CCNK: variants seen among roughly 807,000 people sequenced by gnomAD.
CCNK encodes the protein cyclin-K.
CCNK carries 9 observed loss-of-function variants against 65.0 expected under a neutral mutation model. That is an observed-to-expected ratio of 0.14 (90% CI 0.08 to 0.24). The LOEUF (loss-of-function observed/expected upper bound fraction) is 0.24. CCNK is among the 10% of genes least tolerant of loss of function. The pLI is 1.00. For synonymous variants in CCNK, 279 were observed against 270.8 expected, an observed-to-expected ratio of 1.03 and a Z score of -0.30; for missense variants, 474 against 720.0, an observed-to-expected ratio of 0.66 and a Z score of 3.91.
chr14:99,491,445 G>T (rs1003387092), intron 1 of CCNK, among the ~76,000 whole-genome samples: 3 of 152,154 alleles, frequency 2.0e-5, no homozygotes, highest in African/African-American at 7.2e-5. Flanking sequence ...GGTGAGAATT[G>T]TATCTCAGTG....
At chr14:99,483,811 A>T (rs894214333) in intron 1 of CCNK, among the ~76,000 whole-genome samples, 1 of 152,190 alleles carries the variant, frequency 6.6e-6, no homozygotes, top group African/African-American at 2.4e-5. Context: ...GTCTTTGGAG[A>T]TATGCTACAG....
intron 1 of CCNK, among the ~76,000 whole-genome samples, chr14:99,489,967 A>G (rs1896565672): frequency 6.6e-6 from 1 of 152,260 alleles, no homozygotes; most frequent in South Asian, 2.1e-4. Flanking sequence ...AGTGAAGGAA[A>G]TAGAAAGTCA....
chr14:99,501,677 G>T, intron 6 of CCNK: 1 of 426,428 alleles, frequency 2.3e-6, no homozygotes, highest in Non-Finnish European at 4.1e-6. Context: ...CAATACACTG[G>T]AGAATTTTGA....
intron 1 of CCNK, among the ~76,000 whole-genome samples, chr14:99,491,736 G>C (rs1595307352): frequency 6.6e-6 from 1 of 152,178 alleles, no homozygotes; most frequent in Non-Finnish European, 1.5e-5. Flanking sequence ...GAACTGGTGG[G>C]AGCCCTGGCC....
intron 8 of CCNK, 120 bp downstream of exon 8, chr14:99,503,104 A>C: frequency 8.7e-7 from 1 of 1,151,514 alleles, no homozygotes; most frequent in Admixed American, 1.7e-5. Context: ...TGTTCGCCGA[A>C]ACTCGCAGTC....
In CCNK at chr14:99,492,797, A is replaced by T. The variant is rs747967811; in HGVS notation, c.120A>T (p.Gly40=). The change falls in exon 2 of 11, where the codon GGA becomes GGT. Residue 40 remains glycine (G), a synonymous_variant. Transcript: ENST00000389879. ...CTCATACACCCTCACAACTTGAAGG[A>T]CTTGATCCAGCCACCGAGGCCCGGT... is the stretch of plus-strand genomic sequence containing the variant. The part of the protein sequence containing the change: ...DLAHTPSQLE[G]LDPATEARYR... 1.2e-6 allele frequency: 2 copies of T among 1,613,328 alleles called. No homozygotes were observed. Among genetic ancestry groups the T allele is most frequent in the Non-Finnish European group, 1.7e-6 (2 of 1,179,702 alleles).
chr14:99,499,474 C>G (rs1021892686), intron 4 of CCNK, among the ~76,000 whole-genome samples: 1 of 152,196 alleles, frequency 6.6e-6, no homozygotes, highest in Non-Finnish European at 1.5e-5. Context: ...TCTCTGTATC[C>G]TATAAAATAA....
Position 99,507,094 on chromosome 14 carries a change from T to A in CCNK, c.1064T>A (p.Ile355Asn). 2 of 1,610,840 alleles carry A rather than the reference T, an allele frequency of 1.2e-6. No individual in the cohort carries two copies. Among genetic ancestry groups the A allele is most frequent in the African/African-American group, 2.7e-5 (2 of 74,960 alleles). Residue 355 changes from isoleucine to asparagine, a missense_variant, in exon 10 of 11, where the codon ATC becomes AAC. Coordinates refer to ENST00000389879, the MANE Select transcript of CCNK (RefSeq NM_001099402.2). ...NKAAEPPPPK[I>N]PKIETTHPPL... is the part of the protein sequence containing the mutation. The stretch of plus-strand genomic sequence containing the variant: ...TTTGTAGAACCACCACCACCTAAAA[T>A]CCCCAAAATTGAGACCACTCATCCA...
intron 6 of CCNK, 168 bp downstream of exon 6, chr14:99,501,581 C>T (rs1489689996): frequency 1.5e-5 from 9 of 584,004 alleles, no homozygotes; most frequent in African/African-American, 3.8e-5. Flanking sequence ...ATCTGCTTCC[C>T]GGCAGAGGGT....
intron 1 of CCNK, chr14:99,481,739 G>T (rs1896331825): frequency 2.7e-6 from 1 of 366,568 alleles, no homozygotes; most frequent in Non-Finnish European, 4.8e-6. Flanking sequence ...TCGCACTGGG[G>T]GGCAGTCAGA....
At chr14:99,500,303 C>T (rs1896793031) in intron 4 of CCNK, 1 of 183,968 alleles carries the variant, frequency 5.4e-6, no homozygotes, top group Non-Finnish European at 1.1e-5. Flanking sequence ...CACACACATA[C>T]ACACACACTG....
intron 10 of CCNK, chr14:99,507,688 A>G (rs2139881784): frequency 6.5e-6 from 1 of 154,384 alleles, no homozygotes; most frequent in South Asian, 2.0e-4. Flanking sequence ...GTTTTAGGAA[A>G]GAAAGCCAAA....
chr14:99,507,295 G>T, intron 10 of CCNK, 148 bp downstream of exon 10: 1 of 691,426 alleles, frequency 1.4e-6, no homozygotes. Flanking sequence ...ATTGTTCTTG[G>T]GCTGGGCACA....
chr14:99,495,467 C>G (rs774760059), intron 3 of CCNK, 31 bp from the exon 4 acceptor site: 3 of 1,589,330 alleles, frequency 1.9e-6, no homozygotes, highest in Non-Finnish European at 2.6e-6. Flanking sequence ...CCTTTGATAA[C>G]AAAAATCAAG....
intron 4 of CCNK, among the ~76,000 whole-genome samples, chr14:99,496,414 A>G (rs1896701910): frequency 6.6e-6 from 1 of 152,214 alleles, no homozygotes. Context: ...CATCTCTACT[A>G]TATAAGAATA....
intron 1 of CCNK, among the ~76,000 whole-genome samples, chr14:99,487,977 A>G (rs959916907): frequency 6.6e-6 from 1 of 152,100 alleles, no homozygotes; most frequent in Non-Finnish European, 1.5e-5. Context: ...CCAACTTTTT[A>G]TTGTATGAAA....
At chr14:99,482,521 T>C (rs534823967) in intron 1 of CCNK, among the ~76,000 whole-genome samples, 10 of 152,256 alleles carry the variant, frequency 6.6e-5, no homozygotes, top group Non-Finnish European at 1.3e-4. Context: ...TTAAATAATC[T>C]TGACTATGAA....
At chr14:99,494,929 T>A (rs1896669463) in intron 3 of CCNK, 1 of 152,362 alleles carries the variant, frequency 6.6e-6, no homozygotes, top group South Asian at 2.1e-4. Flanking sequence ...ATAAGGGCAG[T>A]AATCCCATTC....
At chr14:99,499,821 T>A (rs1043991229) in intron 4 of CCNK, among the ~76,000 whole-genome samples, 1 of 152,202 alleles carries the variant, frequency 6.6e-6, no homozygotes, top group Admixed American at 6.5e-5. Context: ...TGAAAAGATA[T>A]TAATAAATTT....
Sources: gnomAD v4.1 joint callset for allele counts (sites outside exome capture counted in the v4.1 genomes callset) on GRCh38, gnomAD v4.1.1 for gene constraint, MANE v1.5 for transcripts, NCBI Gene and HGNC (gene_info 2026-07-23, HGNC 2026-07-21) for gene names.